Variants in RALYL observed in about 807,000 individuals in gnomAD.
The protein encoded by RALYL is RNA-binding Raly-like protein.
A neutral mutation model predicts 35.1 loss-of-function variants in RALYL; 29 were observed. The observed-to-expected ratio is 0.83, with a 90% CI of 0.61 to 1.13. The LOEUF (loss-of-function observed/expected upper bound fraction) is 1.13. Ranked by LOEUF, RALYL falls within the 50% of genes most tolerant of loss-of-function variation. RALYL has a pLI of 0.00. For synonymous variants in RALYL, 120 were observed against 127.6 expected (o/e 0.94, Z 0.40); for missense variants, 359 against 360.4 (o/e 1.00, Z 0.03).
At chr8:84,870,482 G>T (rs1840003642) in intron 6 of RALYL, among the ~76,000 whole-genome samples, 1 of 151,198 alleles carries the variant, frequency 6.6e-6, no homozygotes, top group African/African-American at 2.4e-5. Flanking sequence ...TTTTTGACAA[G>T]TTTTTTTTGT....
intron 2 of RALYL, among the ~76,000 whole-genome samples, chr8:84,642,340 C>T (rs1054810921): frequency 6.6e-6 from 1 of 151,938 alleles, no homozygotes; most frequent in Admixed American, 6.6e-5. Context: ...AAAGCAGCCT[C>T]TATGGCAATT....
At chr8:84,655,952 G>A (rs184918340) in intron 2 of RALYL, among the ~76,000 whole-genome samples, 6 of 152,176 alleles carry the variant, frequency 3.9e-5, no homozygotes, top group African/African-American at 9.6e-5. Flanking sequence ...TATGCATTAC[G>A]GAGAACCAGC....
At chr8:84,234,734 T>C (rs776649867) in intron 1 of RALYL, among the ~76,000 whole-genome samples, 1 of 152,022 alleles carries the variant, frequency 6.6e-6, no homozygotes, top group Non-Finnish European at 1.5e-5. Context: ...TTCATTAAAG[T>C]ATTTACTAAA....
intron 1 of RALYL, among the ~76,000 whole-genome samples, chr8:84,375,728 C>T (rs1039962818): frequency 2.0e-5 from 3 of 151,788 alleles, no homozygotes; most frequent in Admixed American, 6.6e-5. Flanking sequence ...AAGCATTCAA[C>T]TTATTTGCCA....
intron 1 of RALYL, among the ~76,000 whole-genome samples, chr8:84,269,381 T>C (rs1009775047): frequency 6.6e-6 from 1 of 152,194 alleles, no homozygotes; most frequent in African/African-American, 2.4e-5. Flanking sequence ...GGGATGCAGG[T>C]CTCCTATTAT....
At chr8:84,919,925 T>C (rs565744684) in intron 8 of RALYL, among the ~76,000 whole-genome samples, 1 of 152,226 alleles carries the variant, frequency 6.6e-6, no homozygotes, top group African/African-American at 2.4e-5. Flanking sequence ...TTTCAACCAG[T>C]AGTCTTAGCC....
chr8:84,583,867 T>C (rs1811392177), intron 2 of RALYL, among the ~76,000 whole-genome samples: 1 of 152,178 alleles, frequency 6.6e-6, no homozygotes, highest in African/African-American at 2.4e-5. Context: ...AATAGTGAAA[T>C]TATTAACCCA....
intron 8 of RALYL, among the ~76,000 whole-genome samples, 177 bp downstream of exon 8, chr8:84,887,953 T>C (rs1213418846): frequency 6.6e-6 from 1 of 152,256 alleles, no homozygotes; most frequent in Non-Finnish European, 1.5e-5. Flanking sequence ...ACTTTATTGC[T>C]AACTTAAAAT....
At chr8:84,217,535 G>A (rs1586260621) in intron 1 of RALYL, among the ~76,000 whole-genome samples, 2 of 151,980 alleles carry the variant, frequency 1.3e-5, no homozygotes, top group African/African-American at 4.8e-5. Flanking sequence ...AACACTACAA[G>A]GTTAGACACT....
At chr8:84,420,165 G>C (rs961823758) in intron 1 of RALYL, among the ~76,000 whole-genome samples, 2 of 152,002 alleles carry the variant, frequency 1.3e-5, no homozygotes, top group Admixed American at 1.3e-4. Flanking sequence ...CCCAGCAACA[G>C]TGTAAAAGTG....
chr8:84,686,073 T>C (rs1836716734), intron 2 of RALYL, among the ~76,000 whole-genome samples: 1 of 152,176 alleles, frequency 6.6e-6, no homozygotes, highest in African/African-American at 2.4e-5. Context: ...TTTTTTGCAT[T>C]CCCCACATGT....
intron 1 of RALYL, among the ~76,000 whole-genome samples, chr8:84,505,936 T>C (rs181429182): frequency 7.9e-4 from 120 of 152,232 alleles, no homozygotes; most frequent in African/African-American, 2.6e-3. Context: ...TTAAATACCA[T>C]GTGTGCTAAG....
At chr8:84,679,113 TTC>T (rs1834831533) in intron 2 of RALYL, 1 of 233,134 alleles carries the variant, frequency 4.3e-6, no homozygotes, top group Non-Finnish European at 8.9e-6. Context: ...TAAATGCTGA[TTC>T]TGAGAACTCA....
intron 1 of RALYL, among the ~76,000 whole-genome samples, chr8:84,373,973 T>G (rs1856436247): frequency 1.3e-5 from 2 of 152,042 alleles, no homozygotes; most frequent in Non-Finnish European, 2.9e-5. Context: ...GTGGTAATTT[T>G]GAATGGGATT....
chr8:84,190,077 C>T (rs796307784), intron 1 of RALYL, among the ~76,000 whole-genome samples: 3 of 152,332 alleles, frequency 2.0e-5, no homozygotes, highest in African/African-American at 7.2e-5. Context: ...TCAGCATTTA[C>T]TTACTGAGTA....
intron 2 of RALYL, 55 bp from the exon 3 acceptor site, chr8:84,774,524 T>C: frequency 8.8e-7 from 1 of 1,138,882 alleles, no homozygotes; most frequent in African/African-American, 1.6e-5. Flanking sequence ...TGATTTACTT[T>C]TCTCAGATGG....
At chr8:84,855,870 T>C (rs1836860276) in intron 5 of RALYL, among the ~76,000 whole-genome samples, 1 of 152,182 alleles carries the variant, frequency 6.6e-6, no homozygotes, top group South Asian at 2.1e-4. Flanking sequence ...GTAAAACACG[T>C]ATACATTTTA....
intron 7 of RALYL, among the ~76,000 whole-genome samples, chr8:84,877,069 T>A (rs117075772): frequency 1.3e-5 from 2 of 152,214 alleles, no homozygotes; most frequent in Admixed American, 6.5e-5. Context: ...GAGACTCCCA[T>A]TGCAGGTTTT....
At chr8:84,351,448 T>C (rs1359473580) in intron 1 of RALYL, among the ~76,000 whole-genome samples, 1 of 150,004 alleles carries the variant, frequency 6.7e-6, no homozygotes, top group African/African-American at 2.5e-5. Context: ...CAGAATCCTG[T>C]GGTACAGAGG....
Sources: allele counts gnomAD v4.1 joint callset (sites outside exome capture counted in the v4.1 genomes callset), GRCh38; gene constraint gnomAD v4.1.1; transcripts MANE v1.5; gene names NCBI Gene and HGNC (gene_info 2026-07-23, HGNC 2026-07-21).